The following TPM2 variants were observed in gnomAD, a reference collection of about 807,000 sequenced individuals.
The protein encoded by TPM2 is tropomyosin beta chain.
Under a neutral mutation model 41.0 loss-of-function variants are expected in TPM2, and 26 were observed. The observed-to-expected ratio is 0.63, with a 90% CI of 0.46 to 0.88. The LOEUF is 0.88. Among genes scored for constraint, TPM2 ranks in the 40% least tolerant of loss-of-function variants. TPM2 has a pLI of 0.00. For missense variants in TPM2, 187 were observed against 355.2 expected, an observed-to-expected ratio of 0.53 and a Z score of 3.81; for synonymous variants, 143 against 139.3, an observed-to-expected ratio of 1.03 and a Z score of -0.19.
At chr9:35,684,705 C>T in intron 6 of TPM2, 27 bp downstream of exon 6, 1 of 1,614,174 alleles carries the variant, frequency 6.2e-7, no homozygotes, top group South Asian at 1.1e-5. Flanking sequence ...GGGACCCCAT[C>T]CTCACTGCCC....
chr9:35,689,837 C>A lies in TPM2; in HGVS notation c.-20G>T, dbSNP rs1180891844. 6.2e-7 allele frequency: 1 copy of A among 1,613,014 alleles called. No individual in the cohort carries two copies. The highest frequency in any genetic ancestry group is 8.5e-7 in the Non-Finnish European group (1 of 1,179,454). On this transcript the variant is annotated 5_prime_UTR_variant, in exon 1 of 9. Transcript: ENST00000645482. ...GTCCATGGCTGCGGTGGGGGGTGGG[C>A]CGGCCGGCAGGCGGTGAGGACCGGA...
Position 35,685,147 on chromosome 9 carries a change from C to T in TPM2, c.563+122G>A. 1 of 1,614,120 alleles carries T rather than the reference C, an allele frequency of 6.2e-7. No individual in the cohort carries two copies. Among genetic ancestry groups the T allele is most frequent in the South Asian group, 1.1e-5 (1 of 91,080 alleles). On this transcript the variant is annotated intron_variant, in intron 5 of 8. Coordinates refer to ENST00000645482, the MANE Select transcript of TPM2 (RefSeq NM_003289.4). The surrounding 1 kb of genome is among the most constrained non-coding windows in gnomAD (Gnocchi z 5.0). Reference sequence around the variant, plus strand: ...TCCAGCTGTCTGGCTCGGCTGGGGGCAGCGGGCAGGGGTCAGAGAACAGGG... The same window carrying T: ...TCCAGCTGTCTGGCTCGGCTGGGGGTAGCGGGCAGGGGTCAGAGAACAGGG...
intron 7 of TPM2, 61 bp downstream of exon 7, chr9:35,684,425 GCC>G (rs1484274012): frequency 5.6e-6 from 9 of 1,609,880 alleles, no homozygotes; most frequent in African/African-American, 2.7e-5. Flanking sequence ...CCTGCCACAG[GCC>G]GTCTCTGGCA....
intron 2 of TPM2, chr9:35,686,386 T>A (rs1824912029): frequency 6.2e-6 from 1 of 160,174 alleles, no homozygotes; most frequent in South Asian, 1.8e-4. Context: ...GTGGGAGCAC[T>A]TCAAGTGCTG....
At position 35,689,757 on chromosome 9, in the gene TPM2, G is replaced by T. The variant is rs770175706; in HGVS notation, c.61C>A (p.Arg21Ser). 6.2e-7 allele frequency: 1 copy of T among 1,613,802 alleles called. No individual in the cohort carries two copies. The highest frequency in any genetic ancestry group is 1.1e-5 in the South Asian group (1 of 91,082). Residue 21 changes from arginine (R) to serine (S), a missense_variant, in exon 1 of 9, where the codon CGC (arginine) becomes AGC (serine). By Grantham distance (110) the Arg-to-Ser change is moderately radical. Coordinates refer to ENST00000645482, the MANE Select transcript of TPM2 (RefSeq NM_003289.4). ...TTGTCGGCTTCGGCCTGCTCGGCGC[G>T]GTCGATGGCGTTCTCCTTGTCCAGC... ...LKLDKENAIDRAEQAEADKKQ... is the reference protein window; with the variant it reads ...LKLDKENAIDSAEQAEADKKQ...
At chr9:35,689,317 G>T (rs772313369) in intron 1 of TPM2, 46 bp from the exon 2 acceptor site, 2 of 1,612,410 alleles carry the variant, frequency 1.2e-6, no homozygotes, top group Non-Finnish European at 1.7e-6. Flanking sequence ...GGGGGCCCAG[G>T]CCCAGAATGG....
rs1824996940 is a variant in TPM2 at position 35,687,615 on chromosome 9, G to C, written c.240+1531C>G. 2.0e-5 allele frequency among the ~76,000 whole-genome samples: 3 copies of C among 152,200 alleles called. No homozygotes were observed. The South Asian group carries it at 6.2e-4, about 32-fold the overall frequency. ...AAGGCACCTGGAGCTTGGCCACCTA[G>C]AGTGACAAGAGCCCATCATGGGCAC... is the stretch of plus-strand genomic sequence containing the variant. On this transcript the variant is annotated intron_variant, in intron 2 of 8. Transcript: ENST00000645482.
At chr9:35,682,648 C>A (rs1342815928), downstream of TPM2, 109 of 1,309,152 alleles carry the variant, frequency 8.3e-5, no homozygotes, top group South Asian at 1.3e-3. Flanking sequence ...TCCAGTCACT[C>A]TGTTTGATCC....
At chr9:35,687,221 T>A (rs1824971198) in intron 2 of TPM2, among the ~76,000 whole-genome samples, 1 of 152,162 alleles carries the variant, frequency 6.6e-6, no homozygotes, top group Non-Finnish European at 1.5e-5. Flanking sequence ...ATCCACTGAA[T>A]TGGGATGTGT....
intron 2 of TPM2, among the ~76,000 whole-genome samples, chr9:35,686,157 C>G (rs145249284): frequency 1.8e-3 from 278 of 151,874 alleles, no homozygotes; most frequent in African/African-American, 6.2e-3. Flanking sequence ...GGCTGAGGCA[C>G]AAGAATCACT....
intron 2 of TPM2, among the ~76,000 whole-genome samples, chr9:35,686,915 A>C (rs1413467437): frequency 6.6e-6 from 1 of 152,224 alleles, no homozygotes; most frequent in Non-Finnish European, 1.5e-5. Flanking sequence ...GGGCAGAGCA[A>C]GGCGAGCGCC....
rs1236810560 is a variant in TPM2 at position 35,684,773 on chromosome 9, C to T, written c.598G>A (p.Val200Ile). Reference protein sequence around the residue: ...CGDLEEELKIVTNNLKSLEAQ... With the variant: ...CGDLEEELKIITNNLKSLEAQ... ...TCCAGGGATTTCAAGTTGTTGGTAA[C>T]AATTTTCAGCTCCTCCTCTAGGTCC... Residue 200 changes from valine to isoleucine, a missense_variant, in exon 6 of 9, where the codon GTT (valine) becomes ATT (isoleucine). Val to Ile is a conservative substitution (Grantham distance 29, BLOSUM62 3). Transcript: ENST00000645482. The T allele has an allele frequency of 6.2e-7, 1 of 1,613,624 alleles. No homozygotes were observed. The highest frequency in any genetic ancestry group is 1.3e-5 in the African/African-American group (1 of 74,758).
At chr9:35,682,323 G>T, downstream of TPM2, 1 of 970,036 alleles carries the variant, frequency 1.0e-6, no homozygotes, top group Non-Finnish European at 1.6e-6. Flanking sequence ...CAGATGGACT[G>T]ACTAGGATGA....
At position 35,685,820 on chromosome 9, in the gene TPM2, C is replaced by T. The variant is rs764618396; in HGVS notation, c.241-40G>A. The T allele has an allele frequency of 1.9e-6, 3 of 1,613,374 alleles. No homozygotes were observed. In the African/African-American group the frequency reaches 4.0e-5, roughly 22 times the overall value. On this transcript the variant is annotated intron_variant, in intron 2 of 8. Coordinates refer to ENST00000645482, the MANE Select transcript of TPM2 (RefSeq NM_003289.4). The surrounding 1 kb of genome is among the most constrained non-coding windows in gnomAD (Gnocchi z 5.0). ...TCAGGGGTCAAAAAGGCCTTGTTAG[C>T]CTTGGATAAGGATCAGAGAGGCTCC...
At chr9:35,688,024 G>A (rs920531687) in intron 2 of TPM2, among the ~76,000 whole-genome samples, 5 of 152,238 alleles carry the variant, frequency 3.3e-5, no homozygotes, top group South Asian at 4.1e-4. Flanking sequence ...CTGGTGCTGC[G>A]GCTCTGCCTC....
Position 35,689,149 on chromosome 9 carries a change from A to G in TPM2, c.237T>C (p.Thr79=), listed in dbSNP as rs1273122176. The part of the protein sequence containing the change: ...EKLEQAEKKA[T]DAEADVASLN... Reference sequence around the variant, plus strand: ...TGTCCCCCAAGTCCACACTCACATCAGTGGCCTTCTTCTCGGCCTGCTCCA... The same window carrying G: ...TGTCCCCCAAGTCCACACTCACATCGGTGGCCTTCTTCTCGGCCTGCTCCA... The change falls in exon 2 of 9, where the codon ACT becomes ACC. Residue 79 remains threonine (T), a synonymous_variant. Coordinates refer to ENST00000645482, the MANE Select transcript of TPM2 (RefSeq NM_003289.4). 1 of 1,614,118 alleles carries G rather than the reference A, an allele frequency of 6.2e-7. No homozygotes were observed. The highest frequency in any genetic ancestry group is 1.1e-5 in the South Asian group (1 of 91,088).
chr9:35,683,169 G>T lies in TPM2; in HGVS notation c.845C>A (p.Thr282Asn). ...EELDNALNDI[T>N]SL The stretch of plus-strand genomic sequence containing the variant: ...ACGCTGGCGTGGGGCTCAGAGGGAG[G>T]TGATGTCATTGAGTGCGTTGTCCAG... The change falls in exon 9 of 9, where the codon ACC becomes AAC. Residue 282 changes from threonine (T) to asparagine (N), a missense_variant. Physicochemically the swap from Thr to Asn is moderately conservative, Grantham distance 65. Coordinates refer to ENST00000645482, the MANE Select transcript of TPM2 (RefSeq NM_003289.4). 1 of 1,555,240 alleles carries T rather than the reference G, an allele frequency of 6.4e-7. No homozygotes were observed.
chr9:35,684,615 C>T lies in TPM2; in HGVS notation c.640-65G>A. 4 of 1,613,360 alleles carry T rather than the reference C, an allele frequency of 2.5e-6. No individual in the cohort carries two copies. In the South Asian group the frequency reaches 3.3e-5, roughly 13 times the overall value. ...ACAGATCCTTCATTTCTCCATTGTACCCCGTAGGCTCCTGGTCATCTTGCC... is the reference window on the plus strand; with the variant it reads ...ACAGATCCTTCATTTCTCCATTGTATCCCGTAGGCTCCTGGTCATCTTGCC... On this transcript the variant is annotated intron_variant, in intron 6 of 8. Coordinates refer to ENST00000645482, the MANE Select transcript of TPM2 (RefSeq NM_003289.4).
downstream of TPM2, chr9:35,682,325 C>A: frequency 1.0e-6 from 1 of 971,848 alleles, no homozygotes. Context: ...GATGGACTGA[C>A]TAGGATGAGG....
Sources: gnomAD v4.1 joint callset for allele counts (sites outside exome capture counted in the v4.1 genomes callset) on GRCh38, gnomAD v4.1.1 for gene constraint, Gnocchi (gnomAD v3.1) non-coding constraint, MANE v1.5 for transcripts, NCBI Gene and HGNC (gene_info 2026-07-23, HGNC 2026-07-21) for gene names.